The following ACYP2 variants were observed in gnomAD, a reference collection of about 807,000 sequenced individuals.
ACYP2 encodes the protein acylphosphatase 2.
ACYP2 carries 12 observed loss-of-function variants against 11.2 expected under a neutral mutation model. The observed-to-expected ratio is 1.08, with a 90% CI of 0.69 to 1.74. The LOEUF (loss-of-function observed/expected upper bound fraction) is 1.74. Ranked by LOEUF, ACYP2 falls within the 40% of genes most tolerant of loss-of-function variation. ACYP2 has a pLI of 0.00. For synonymous variants in ACYP2, 43 were observed against 32.2 expected (o/e 1.33, Z -1.13); for missense variants, 134 against 101.9 (o/e 1.31, Z -1.35).
intron 6 of ACYP2, among the ~76,000 whole-genome samples, chr2:54,243,807 T>A (rs1431947021): frequency 6.6e-6 from 1 of 152,136 alleles, no homozygotes; most frequent in Non-Finnish European, 1.5e-5. Flanking sequence ...ACTCCTGGCC[T>A]CAAGTGATCT....
rs540876248 is a variant in ACYP2, at chr2:54,232,474, C to T, written c.405-72214C>T. Among the ~76,000 whole-genome samples the T allele has an allele frequency of 1.2e-4, 18 of 152,226 alleles. No individual in the cohort carries two copies. In the East Asian group the frequency reaches 3.5e-3, roughly 29 times the overall value. On this transcript the variant is annotated intron_variant, in intron 6 of 6. Coordinates refer to ENST00000607452, the MANE Select transcript of ACYP2 (RefSeq NM_001320586.2). ...TGGTGTTACATTGCTTAGTTTAGAC[C>T]TACACCCGAGGTTGTGGTCCATGTC...
chr2:54,219,905 A>ATTTTTTTT (rs1169547989), intron 6 of ACYP2, among the ~76,000 whole-genome samples: 8 of 75,990 alleles, frequency 1.1e-4, no homozygotes, highest in East Asian at 4.1e-4. Context: ...ATATATATAT[A>ATTTTTTTT]TTTTTTTTTT....
intron 6 of ACYP2, among the ~76,000 whole-genome samples, chr2:54,223,766 T>C (rs1685894130): frequency 6.6e-6 from 1 of 152,212 alleles, no homozygotes; most frequent in South Asian, 2.1e-4. Flanking sequence ...TTAGTTCATC[T>C]TTAATTTAGG....
At chr2:54,142,176 G>T in intron 6 of ACYP2, 1 of 342,088 alleles carries the variant, frequency 2.9e-6, no homozygotes, top group Non-Finnish European at 5.2e-6. Context: ...TTTGAGAACA[G>T]TTTTATATTT....
At chr2:54,021,834 A>G (rs1381553408) in intron 2 of ACYP2, among the ~76,000 whole-genome samples, 1 of 152,230 alleles carries the variant, frequency 6.6e-6, no homozygotes, top group Non-Finnish European at 1.5e-5. Flanking sequence ...GGTGTTAAAC[A>G]CATAATCCTA....
At chr2:54,248,835 G>A (rs1223650774) in intron 6 of ACYP2, among the ~76,000 whole-genome samples, 1 of 152,208 alleles carries the variant, frequency 6.6e-6, no homozygotes, top group African/African-American at 2.4e-5. Flanking sequence ...ATTCTACAGA[G>A]TATATGCTAC....
chr2:54,085,115 A>G (rs1452036148), intron 4 of ACYP2: 3 of 152,218 alleles, frequency 2.0e-5, no homozygotes, highest in African/African-American at 7.2e-5. Context: ...AAAAATGATG[A>G]GAAAAAAAAT....
At chr2:54,219,829 A>ATATATATGTGTGTGTGTGTG (rs796177863) in intron 6 of ACYP2, among the ~76,000 whole-genome samples, 1 of 141,126 alleles carries the variant, frequency 7.1e-6, no homozygotes, top group Non-Finnish European at 1.5e-5. Flanking sequence ...GTGTGTGTGT[A>ATATATATGTGTGTGTGTGTG]TATATATGTG....
At chr2:54,095,032 G>A (rs996249100) in intron 4 of ACYP2, among the ~76,000 whole-genome samples, 2 of 150,400 alleles carry the variant, frequency 1.3e-5, no homozygotes, top group African/African-American at 2.4e-5. Flanking sequence ...AGGACCCTGC[G>A]GCCTTCCGCG....
chr2:54,073,212 A>C (rs1407856395), intron 4 of ACYP2, among the ~76,000 whole-genome samples: 1 of 152,156 alleles, frequency 6.6e-6, no homozygotes, highest in Non-Finnish European at 1.5e-5. Flanking sequence ...GCGGACTCTG[A>C]CTTCACACCA....
At chr2:54,182,092 C>CTTTTTTTTTTTT in intron 6 of ACYP2, among the ~76,000 whole-genome samples, 1 of 57,004 alleles carries the variant, frequency 1.8e-5, no homozygotes, top group African/African-American at 7.4e-5. Context: ...CGGAGTTTTG[C>CTTTTTTTTTTTT]TTTTTCACCC....
At chr2:54,219,170 T>C (rs1455370694) in intron 6 of ACYP2, among the ~76,000 whole-genome samples, 1 of 152,090 alleles carries the variant, frequency 6.6e-6, no homozygotes, top group Non-Finnish European at 1.5e-5. Context: ...AGATTAGAGG[T>C]AGATGAGCTC....
chr2:54,063,539 G>A (rs1438497869), intron 4 of ACYP2, among the ~76,000 whole-genome samples: 1 of 152,146 alleles, frequency 6.6e-6, no homozygotes, highest in Non-Finnish European at 1.5e-5. Flanking sequence ...TGGGTGGTGG[G>A]AACAGAGAGA....
chr2:54,202,979 G>A (rs1684920332), intron 6 of ACYP2, among the ~76,000 whole-genome samples: 1 of 151,816 alleles, frequency 6.6e-6, no homozygotes, highest in South Asian at 2.1e-4. Flanking sequence ...TGAATTTTAG[G>A]ATCAGCTTGT....
At chr2:54,006,576 G>A (rs753726756) in intron 2 of ACYP2, among the ~76,000 whole-genome samples, 4 of 152,108 alleles carry the variant, frequency 2.6e-5, no homozygotes, top group South Asian at 4.2e-4. Context: ...AGTGTGAGCC[G>A]CTGTGCCCAG....
chr2:54,267,330 G>T (rs1242473979), intron 6 of ACYP2: 1 of 1,548,924 alleles, frequency 6.5e-7, no homozygotes, highest in African/African-American at 1.4e-5. Context: ...GTGAAGAAAA[G>T]AAACAAGATA....
chr2:54,255,187 A>G, intron 6 of ACYP2: 1 of 1,614,170 alleles, frequency 6.2e-7, no homozygotes, highest in Non-Finnish European at 8.5e-7. Context: ...GGAAAAAGAC[A>G]CCACTTGGCC....
chr2:54,115,292 C>A, intron 4 of ACYP2: 1 of 454,564 alleles, frequency 2.2e-6, no homozygotes, highest in Non-Finnish European at 3.9e-6. Flanking sequence ...ACAAATATAC[C>A]CAACTTTTAT....
rs10184018 is a variant in ACYP2 at position 54,189,777 on chromosome 2, C to A, written c.404+51029C>A. 8.0e-3 allele frequency among the ~76,000 whole-genome samples: 1,211 copies of A among 152,204 alleles called. 9 individuals carry two copies. The highest frequency in any genetic ancestry group is 0.028 in the African/African-American group (1,169 of 41,536). On this transcript the variant is annotated intron_variant, in intron 6 of 6. Coordinates refer to ENST00000607452, the MANE Select transcript of ACYP2 (RefSeq NM_001320586.2). ...GTACTACTTTTAACTTATTTAGAAG[C>A]CTCCCTACTGTTTTACATAATGGCT... is the stretch of plus-strand genomic sequence containing the variant.
Sources: allele counts gnomAD v4.1 joint callset (sites outside exome capture counted in the v4.1 genomes callset), GRCh38; gene constraint gnomAD v4.1.1; transcripts MANE v1.5; gene names NCBI Gene and HGNC (gene_info 2026-07-23, HGNC 2026-07-21).